The following SLC35E2B variants were observed in gnomAD, a reference collection of about 807,000 sequenced individuals.
SLC35E2B encodes the protein solute carrier family 35, member E2B.
SLC35E2B carries 18 observed loss-of-function variants against 32.4 expected under a neutral mutation model. That is an observed-to-expected ratio of 0.56 (90% CI 0.38 to 0.82). SLC35E2B has a LOEUF of 0.82. SLC35E2B is among the 40% of genes least tolerant of loss of function. SLC35E2B has a pLI of 0.00. For missense variants in SLC35E2B, 263 were observed against 469.5 expected (o/e 0.56, Z 4.06); for synonymous variants, 132 against 209.1 (o/e 0.63, Z 3.18).
At chr1:1,687,725 A>C (rs1643968688) in intron 2 of SLC35E2B, among the ~76,000 whole-genome samples, 5 of 116,478 alleles carry the variant, frequency 4.3e-5, no homozygotes, top group South Asian at 3.3e-4. Flanking sequence ...ATGGAGGGAG[A>C]CTCCATCTCA....
At chr1:1,690,324 A>C (rs2101123212) in intron 2 of SLC35E2B, among the ~76,000 whole-genome samples, 1 of 149,164 alleles carries the variant, frequency 6.7e-6, no homozygotes, top group Middle Eastern at 3.5e-3. Context: ...ATATATATAT[A>C]CATACCATAA....
At chr1:1,689,071 C>CTGAG (rs1207214010) in intron 2 of SLC35E2B, among the ~76,000 whole-genome samples, 1 of 151,698 alleles carries the variant, frequency 6.6e-6, no homozygotes, top group Non-Finnish European at 1.5e-5. Context: ...ACACAGGAGG[C>CTGAG]TGAGGCACGA....
In SLC35E2B at chr1:1,690,481, G is replaced by A. The variant is rs1403548973; in HGVS notation, c.-148+495C>T. The stretch of plus-strand genomic sequence containing the variant: ...TGGCGGGGCATGGTGGCTCATGCTT[G>A]TAATCCCAGCACTTTGGGAGGCCAA... On this transcript the variant is annotated intron_variant, in intron 2 of 9. Coordinates refer to ENST00000617444, the MANE Select transcript of SLC35E2B (RefSeq NM_001290264.2). Among the ~76,000 whole-genome samples, 2 of 146,014 alleles carry A rather than the reference G, an allele frequency of 1.4e-5. 1 individual carries two copies. Among genetic ancestry groups the A allele is most frequent in the South Asian group, 4.3e-4 (2 of 4,616 alleles).
chr1:1,678,365 C>T (rs1055644769), intron 2 of SLC35E2B, among the ~76,000 whole-genome samples: 2 of 152,112 alleles, frequency 1.3e-5, no homozygotes, highest in African/African-American at 4.8e-5. Context: ...GTGCCTGAAA[C>T]TTGGCCTCCC....
intron 5 of SLC35E2B, chr1:1,674,205 A>C (rs1418197683): frequency 1.3e-5 from 2 of 159,256 alleles, no homozygotes; most frequent in African/African-American, 4.8e-5. Flanking sequence ...CGCACGTCGC[A>C]ATCCTCGAGG....
chr1:1,678,967 G>T (rs182295373), intron 2 of SLC35E2B, among the ~76,000 whole-genome samples: 1 of 152,264 alleles, frequency 6.6e-6, no homozygotes, highest in Admixed American at 6.5e-5. Context: ...CAGAGCACTC[G>T]CGACAGGGCT....
chr1:1,666,002 TTCACG>T lies in SLC35E2B; in HGVS notation c.993_997del (p.Val332ThrfsTer85). 1 of 1,551,326 alleles carries T rather than the reference TTCACG, an allele frequency of 6.4e-7. No individual in the cohort carries two copies. Among genetic ancestry groups the T allele is most frequent in the Non-Finnish European group, 8.7e-7 (1 of 1,146,872 alleles). On this transcript the variant is annotated frameshift_variant, in exon 10 of 10. Coordinates refer to ENST00000617444, the MANE Select transcript of SLC35E2B (RefSeq NM_001290264.2). LOFTEE classifies it high-confidence loss of function. ...GCTGAGCCAGATGGACAAGGCATGTTTCACGGTGCTGGCGACGCTGCGGAGGCAAG... is the reference window on the plus strand; with the variant it reads ...GCTGAGCCAGATGGACAAGGCATGTTGTGCTGGCGACGCTGCGGAGGCAAG...
chr1:1,666,539 G>C (rs1643549813), intron 9 of SLC35E2B, among the ~76,000 whole-genome samples: 1 of 152,174 alleles, frequency 6.6e-6, no homozygotes, highest in South Asian at 2.1e-4. Context: ...ATATTTTTAA[G>C]TAAATTACAG....
chr1:1,665,311 C>G lies in SLC35E2B; in HGVS notation c.*471G>C. The G allele has an allele frequency of 2.9e-6, 1 of 347,096 alleles. No individual in the cohort carries two copies. Among genetic ancestry groups the G allele is most frequent in the Non-Finnish European group, 5.2e-6 (1 of 193,054 alleles). 21.5% of individuals were successfully genotyped at this position (347,096 alleles called of 1,614,324 possible). A position where few individuals can be genotyped will look rare whatever the true frequency, so the allele number is the denominator to read the frequency against. On this transcript the variant is annotated 3_prime_UTR_variant, in exon 10 of 10. Coordinates refer to ENST00000617444, the MANE Select transcript of SLC35E2B (RefSeq NM_001290264.2). Reference sequence around the variant, plus strand: ...CCTTCCAGGGCCCTCTGTCCCCTCCCTTCGGCCCTGCTCTGTGGCCTCATG... The same window carrying G: ...CCTTCCAGGGCCCTCTGTCCCCTCCGTTCGGCCCTGCTCTGTGGCCTCATG...
chr1:1,675,476 C>T lies in SLC35E2B; in HGVS notation c.573G>A (p.Leu191=), dbSNP rs1265678016. The T allele has an allele frequency of 6.2e-7, 1 of 1,610,542 alleles. No homozygotes were observed. Among genetic ancestry groups the T allele is most frequent in the East Asian group, 2.2e-5 (1 of 44,834 alleles). The change falls in exon 5 of 10, where the codon CTG becomes CTA. Residue 191 remains leucine, a synonymous_variant. Transcript: ENST00000617444. ...IFTVIMSRMI[L]GEYTGLLVNL... is the part of the protein sequence containing the mutation. ...CGGGGGCCTCACCTGTGTACTCCCC[C>T]AGAATCATCCGAGACATGATCACCG...
chr1:1,677,822 T>A (rs916563985), intron 2 of SLC35E2B, among the ~76,000 whole-genome samples: 2 of 151,892 alleles, frequency 1.3e-5, no homozygotes, highest in African/African-American at 4.8e-5. Flanking sequence ...CAGGCGACTG[T>A]GGCTTCGGGG....
chr1:1,681,446 A>G (rs900448974), intron 2 of SLC35E2B, among the ~76,000 whole-genome samples: 2 of 150,588 alleles, frequency 1.3e-5, no homozygotes, highest in African/African-American at 4.9e-5. Context: ...TGACCTCGTG[A>G]TCCACCCACC....
intron 7 of SLC35E2B, 139 bp downstream of exon 7, chr1:1,669,959 G>T: frequency 3.4e-6 from 3 of 892,250 alleles, no homozygotes; most frequent in Non-Finnish European, 5.4e-6. Context: ...TCCCTCCCGA[G>T]CTTAGACAGG....
At chr1:1,685,854 C>G (rs544550295) in intron 2 of SLC35E2B, among the ~76,000 whole-genome samples, 1 of 152,266 alleles carries the variant, frequency 6.6e-6, no homozygotes, top group East Asian at 1.9e-4. Context: ...TTTCTTGAGA[C>G]GGAGTCTCGC....
rs541256928 is a variant in SLC35E2B at position 1,688,772 on chromosome 1, C to T, written c.-148+2204G>A. Among the ~76,000 whole-genome samples the T allele has an allele frequency of 1.6e-4, 25 of 152,078 alleles. No homozygotes were observed. The East Asian group carries it at 3.1e-3, about 19-fold the overall frequency. On this transcript the variant is annotated intron_variant, in intron 2 of 9. Coordinates refer to ENST00000617444, the MANE Select transcript of SLC35E2B (RefSeq NM_001290264.2). ...AAGACAAACACGTCCTGCAAGGAGACGGAGGCGCAGGGAGGGGGCGGCAGC... is the reference window on the plus strand; with the variant it reads ...AAGACAAACACGTCCTGCAAGGAGATGGAGGCGCAGGGAGGGGGCGGCAGC...
chr1:1,674,942 G>A (rs1453029952), intron 5 of SLC35E2B, among the ~76,000 whole-genome samples: 19 of 152,064 alleles, frequency 1.2e-4, no homozygotes, highest in South Asian at 2.1e-4. Flanking sequence ...CTGACATGTC[G>A]CTGGAAATCG....
At chr1:1,679,552 C>G (rs889419471) in intron 2 of SLC35E2B, among the ~76,000 whole-genome samples, 1 of 152,100 alleles carries the variant, frequency 6.6e-6, no homozygotes, top group African/African-American at 2.4e-5. Flanking sequence ...CTGGGCCAGG[C>G]GCCGTGGCTC....
chr1:1,683,612 CCTTCGCTCG>C (rs1387036526), intron 2 of SLC35E2B, among the ~76,000 whole-genome samples: 1 of 152,122 alleles, frequency 6.6e-6, no homozygotes, highest in East Asian at 1.9e-4. Context: ...TTAATCTCCA[CCTTCGCTCG>C]CTGCGTCCCT....
In SLC35E2B at chr1:1,665,457, C is replaced by T. The variant is rs568170096; in HGVS notation, c.*325G>A. 2 of 528,644 alleles carry T rather than the reference C, an allele frequency of 3.8e-6. No homozygotes were observed. The highest frequency in any genetic ancestry group is 6.6e-6 in the Non-Finnish European group (2 of 301,052). The allele number at this position is 528,644 out of a possible 1,614,324, so 32.7% of individuals were successfully genotyped here. A position where few individuals can be genotyped will look rare whatever the true frequency, so the allele number is the denominator to read the frequency against. ...TCGTTGGCACTGGACCCACCTCTGG[C>T]TCCCGGTGGACCCTGGGGTGTCGCC... is the stretch of plus-strand genomic sequence containing the variant. On this transcript the variant is annotated 3_prime_UTR_variant, in exon 10 of 10. Transcript: ENST00000617444.
Sources: allele counts gnomAD v4.1 joint callset (sites outside exome capture counted in the v4.1 genomes callset), GRCh38; gene constraint gnomAD v4.1.1; transcripts MANE v1.5; gene names NCBI Gene and HGNC (gene_info 2026-07-23, HGNC 2026-07-21).